The following NKAIN2 variants were observed in gnomAD, a reference collection of about 807,000 sequenced individuals.
NKAIN2 encodes the protein sodium/potassium transporting ATPase interacting 2.
In NKAIN2, 14 loss-of-function variants were observed where a neutral mutation model predicts 32.6. That is an observed-to-expected ratio of 0.43 (90% CI 0.28 to 0.67). The LOEUF is 0.67. Among genes scored for constraint, NKAIN2 ranks in the 30% least tolerant of loss-of-function variants. The probability of loss-of-function intolerance (pLI) is 0.17; values close to 1 mark genes in which losing one functional copy is unlikely to be tolerated. For missense variants in NKAIN2, 198 were observed against 258.3 expected, an observed-to-expected ratio of 0.77 and a Z score of 1.60; for synonymous variants, 80 against 87.2, an observed-to-expected ratio of 0.92 and a Z score of 0.46.
rs375808891 is a variant in NKAIN2 at position 123,955,983 on chromosome 6, A to C, written c.54+151729A>C. Among the ~76,000 whole-genome samples, 139 of 152,304 alleles carry C rather than the reference A, an allele frequency of 9.1e-4. 3 individuals carry two copies. In the South Asian group the frequency reaches 0.013, roughly 14 times the overall value. ...TTTCATTCTTAAACTTTATGTAATT[A>C]CGTGTAAAATGCTGGATGCATTATT... On this transcript the variant is annotated intron_variant, in intron 1 of 6. Coordinates refer to ENST00000368417, the MANE Select transcript of NKAIN2 (RefSeq NM_001040214.3).
chr6:124,100,520 G>C (rs2114947808), intron 1 of NKAIN2, among the ~76,000 whole-genome samples: 1 of 152,292 alleles, frequency 6.6e-6, no homozygotes, highest in South Asian at 2.1e-4. Flanking sequence ...ACAGCAAATA[G>C]AATTGTTTGT....
chr6:124,011,838 A>G (rs1780345742), intron 1 of NKAIN2, among the ~76,000 whole-genome samples: 3 of 152,148 alleles, frequency 2.0e-5, no homozygotes, highest in Admixed American at 1.3e-4. Context: ...TCAAGTTCAT[A>G]ATCCATCCTG....
intron 1 of NKAIN2, among the ~76,000 whole-genome samples, chr6:124,138,984 G>A (rs191960043): frequency 4.0e-5 from 6 of 150,948 alleles, no homozygotes; most frequent in African/African-American, 1.5e-4. Flanking sequence ...TATACTGCTT[G>A]AGTGACAGGT....
intron 1 of NKAIN2, among the ~76,000 whole-genome samples, chr6:124,166,267 G>A (rs1377148671): frequency 1.3e-5 from 2 of 150,658 alleles, no homozygotes; most frequent in Admixed American, 6.6e-5. Context: ...CTGATGGCCA[G>A]TGATGGTGAG....
chr6:124,005,962 T>A (rs534834564), intron 1 of NKAIN2, among the ~76,000 whole-genome samples: 1 of 152,322 alleles, frequency 6.6e-6, no homozygotes, highest in African/African-American at 2.4e-5. Flanking sequence ...TGTGACAGAC[T>A]TCTAACTAGT....
chr6:123,870,025 T>A (rs9490979), intron 1 of NKAIN2, among the ~76,000 whole-genome samples: 7,966 of 152,228 alleles, frequency 0.052, 627 homozygotes, highest in African/African-American at 0.18. Flanking sequence ...GAGTTGGGAA[T>A]GTAACATGGT....
chr6:124,030,783 T>G (rs1781370225), intron 1 of NKAIN2, among the ~76,000 whole-genome samples: 1 of 152,212 alleles, frequency 6.6e-6, no homozygotes, highest in Non-Finnish European at 1.5e-5. Flanking sequence ...TGGAATGAAT[T>G]AAGTGCCCAA....
intron 1 of NKAIN2, among the ~76,000 whole-genome samples, chr6:124,135,881 G>A (rs1026417642): frequency 7.9e-5 from 12 of 151,922 alleles, no homozygotes; most frequent in Non-Finnish European, 1.2e-4. Context: ...CAGCAAAAAC[G>A]TTGCTAAGAA....
At chr6:123,955,635 A>ATTTTAT (rs1300942528) in intron 1 of NKAIN2, among the ~76,000 whole-genome samples, 3 of 149,804 alleles carry the variant, frequency 2.0e-5, no homozygotes, top group Non-Finnish European at 4.4e-5. Context: ...ATTTTATTTT[A>ATTTTAT]TTTTTTGAGA....
chr6:123,966,684 G>A (rs536679551), intron 1 of NKAIN2, among the ~76,000 whole-genome samples: 1 of 152,242 alleles, frequency 6.6e-6, no homozygotes, highest in African/African-American at 2.4e-5. Context: ...TGCTGGTGTA[G>A]CAAAAACACC....
At chr6:124,125,278 C>A (rs1264809391) in intron 1 of NKAIN2, among the ~76,000 whole-genome samples, 1 of 152,122 alleles carries the variant, frequency 6.6e-6, no homozygotes, top group African/African-American at 2.4e-5. Flanking sequence ...AACATACATG[C>A]ACACGAGTGC....
At chr6:124,106,320 G>C (rs1338151910) in intron 1 of NKAIN2, among the ~76,000 whole-genome samples, 1 of 152,110 alleles carries the variant, frequency 6.6e-6, no homozygotes, top group African/African-American at 2.4e-5. Flanking sequence ...AAGAAGGGTA[G>C]AAAACACAGA....
intron 3 of NKAIN2, among the ~76,000 whole-genome samples, chr6:124,406,184 C>A (rs1015963125): frequency 6.6e-6 from 1 of 152,082 alleles, no homozygotes; most frequent in Non-Finnish European, 1.5e-5. Context: ...ATATTCCTCA[C>A]CATTGAAAAA....
intron 1 of NKAIN2, among the ~76,000 whole-genome samples, chr6:123,896,722 AAGTCAGTCCTG>A (rs1214735559): frequency 1.1e-4 from 17 of 152,130 alleles, no homozygotes; most frequent in African/African-American, 3.9e-4. Flanking sequence ...TAGTTTTCTT[AAGTCAGTCCTG>A]AGCTCCCTCA....
chr6:124,036,389 A>G (rs533834390), intron 1 of NKAIN2, among the ~76,000 whole-genome samples: 1 of 152,166 alleles, frequency 6.6e-6, no homozygotes, highest in African/African-American at 2.4e-5. Context: ...TTTCAGGGAG[A>G]CTGGGTTCTT....
chr6:124,457,998 A>G (rs1362662547), intron 3 of NKAIN2, among the ~76,000 whole-genome samples: 8 of 152,000 alleles, frequency 5.3e-5, no homozygotes, highest in African/African-American at 1.4e-4. Context: ...GATAATGACT[A>G]TCTTCACAGT....
chr6:124,142,270 A>AG (rs1434230582), intron 1 of NKAIN2, among the ~76,000 whole-genome samples: 1 of 152,172 alleles, frequency 6.6e-6, no homozygotes, highest in Non-Finnish European at 1.5e-5. Context: ...CTTTTTGATG[A>AG]GAAAAACTCT....
intron 4 of NKAIN2, among the ~76,000 whole-genome samples, chr6:124,777,625 T>G (rs1483713503): frequency 6.6e-6 from 1 of 152,194 alleles, no homozygotes; most frequent in African/African-American, 2.4e-5. Flanking sequence ...AAAGTCTGCC[T>G]GCCTTTTAGG....
At chr6:123,818,085 C>T (rs908965136) in intron 1 of NKAIN2, among the ~76,000 whole-genome samples, 13 of 152,026 alleles carry the variant, frequency 8.6e-5, no homozygotes, top group Non-Finnish European at 1.3e-4. Flanking sequence ...TGTCTTCTCC[C>T]AGATGCAATA....
Sources: allele counts gnomAD v4.1 joint callset (sites outside exome capture counted in the v4.1 genomes callset), GRCh38; gene constraint gnomAD v4.1.1; transcripts MANE v1.5; gene names NCBI Gene and HGNC (gene_info 2026-07-23, HGNC 2026-07-21).